Variants in CFAP20DC observed in about 807,000 individuals in gnomAD.
CFAP20DC encodes CFAP20 domain containing, also known as protein CFAP20DC.
In CFAP20DC, 84 loss-of-function variants were observed where a neutral mutation model predicts 101.7. The ratio of observed to expected loss-of-function variants is 0.83; its 90% CI spans 0.69 to 0.99. CFAP20DC has a LOEUF of 0.99. Among genes scored for constraint, CFAP20DC ranks in the 50% least tolerant of loss-of-function variants. CFAP20DC has a pLI of 0.00. For missense variants in CFAP20DC, 1,007 were observed against 970.3 expected (o/e 1.04, Z -0.50); for synonymous variants, 359 against 351.2 (o/e 1.02, Z -0.25).
rs111513990 is a variant in CFAP20DC, at chr3:58,955,354, C to T, written c.279-17592G>A. 3.2e-3 allele frequency among the ~76,000 whole-genome samples: 483 copies of T among 152,308 alleles called. 2 individuals carry two copies. Among genetic ancestry groups the T allele is most frequent in the African/African-American group, 0.011 (452 of 41,560 alleles). The stretch of plus-strand genomic sequence containing the variant: ...CTTAAATCACTGATGCCACCCCTCC[C>T]CCATGTTCGGTTGTGGCAGCACGGT... On this transcript the variant is annotated intron_variant, in intron 4 of 16. Transcript: ENST00000482387.
intron 4 of CFAP20DC, among the ~76,000 whole-genome samples, chr3:58,994,354 G>A (rs2093042106): frequency 6.6e-6 from 1 of 152,160 alleles, no homozygotes; most frequent in South Asian, 2.1e-4. Context: ...CTGGAAGTAT[G>A]ATGGCTGGAT....
At chr3:58,766,415 A>G (rs2070317365) in intron 15 of CFAP20DC, among the ~76,000 whole-genome samples, 1 of 152,236 alleles carries the variant, frequency 6.6e-6, no homozygotes, top group South Asian at 2.1e-4. Flanking sequence ...CTTTCTCACC[A>G]TCTCCCCTTC....
chr3:58,780,996 T>C (rs137930718), intron 15 of CFAP20DC, among the ~76,000 whole-genome samples: 1 of 152,118 alleles, frequency 6.6e-6, no homozygotes, highest in Non-Finnish European at 1.5e-5. Flanking sequence ...ATCCTTCTAA[T>C]CAGCACACAC....
At position 58,912,474 on chromosome 3, in the gene CFAP20DC, G is replaced by A. The variant is rs930813318; in HGVS notation, c.550+1234C>T. 7 of 295,050 alleles carry A rather than the reference G, an allele frequency of 2.4e-5. No individual in the cohort carries two copies. Among genetic ancestry groups the A allele is most frequent in the Non-Finnish European group, 4.7e-5 (7 of 149,728 alleles). 18.3% of individuals were successfully genotyped at this position (295,050 alleles called of 1,614,324 possible). On this transcript the variant is annotated intron_variant, in intron 6 of 16. Coordinates refer to ENST00000482387, the MANE Select transcript of CFAP20DC (RefSeq NM_001394063.1). The surrounding 1 kb of genome is among the most constrained non-coding windows in gnomAD (Gnocchi z 4.4). ...ATGAAATTTATAGGCACAGTGTCCT[G>A]TTCCACAGAGTGAGCCACATCAAGA...
chr3:58,888,856 A>T (rs201615365), intron 6 of CFAP20DC, among the ~76,000 whole-genome samples: 1 of 152,122 alleles, frequency 6.6e-6, no homozygotes, highest in Non-Finnish European at 1.5e-5. Flanking sequence ...GGGTCAAATG[A>T]TATTTCTGCC....
chr3:58,937,608 T>C (rs1294725812), intron 5 of CFAP20DC, 40 bp downstream of exon 5: 9 of 1,213,882 alleles, frequency 7.4e-6, no homozygotes, highest in South Asian at 1.2e-5. Context: ...ATTTGTTGAA[T>C]TGAATTTAAT....
chr3:58,878,659 G>A (rs968451035), intron 7 of CFAP20DC, among the ~76,000 whole-genome samples: 1 of 152,168 alleles, frequency 6.6e-6, no homozygotes, highest in African/African-American at 2.4e-5. Flanking sequence ...TTCCCAGGAA[G>A]ATGATGCTTA....
At chr3:58,734,285 A>C (rs974012661) in intron 3 of CFAP20DC, among the ~76,000 whole-genome samples, 1 of 152,162 alleles carries the variant, frequency 6.6e-6, no homozygotes, top group African/African-American at 2.4e-5. Context: ...ATGAATTACC[A>C]AGTTTCAGGT....
chr3:58,901,606 A>G (rs984712972), intron 6 of CFAP20DC, among the ~76,000 whole-genome samples: 4 of 152,244 alleles, frequency 2.6e-5, no homozygotes, highest in Non-Finnish European at 4.4e-5. Flanking sequence ...TTTCATTACA[A>G]TGGTGAAAAA....
chr3:58,989,380 T>C (rs1176001883), intron 4 of CFAP20DC, among the ~76,000 whole-genome samples: 1 of 152,172 alleles, frequency 6.6e-6, no homozygotes, highest in African/African-American at 2.4e-5. Context: ...TTGCTAATGA[T>C]GATTACATTT....
At chr3:58,908,762 T>C (rs1168444922) in intron 6 of CFAP20DC, among the ~76,000 whole-genome samples, 1 of 152,194 alleles carries the variant, frequency 6.6e-6, no homozygotes, top group Non-Finnish European at 1.5e-5. Context: ...TGTCTTTCAA[T>C]AGGTGAATGG....
intron 12 of CFAP20DC, among the ~76,000 whole-genome samples, chr3:58,860,235 G>C (rs2079141350): frequency 6.6e-6 from 1 of 151,438 alleles, no homozygotes; most frequent in African/African-American, 2.4e-5. Context: ...AAGTATGTAG[G>C]GGTGAGTGTT....
chr3:58,867,862 ATCT>A lies in CFAP20DC; in HGVS notation c.1087_1089del (p.Arg363del), dbSNP rs772490363. 2.5e-6 allele frequency: 4 copies of A among 1,613,620 alleles called. No individual in the cohort carries two copies. Among genetic ancestry groups the A allele is most frequent in the Non-Finnish European group, 3.4e-6 (4 of 1,179,662 alleles). On this transcript the variant is annotated inframe_deletion, in exon 10 of 17. Coordinates refer to ENST00000482387, the MANE Select transcript of CFAP20DC (RefSeq NM_001394063.1). ...TCTCTGCTGGTACTTTTTAACCGTA[ATCT>A]TCTTCTGTTATTATTCTTATCTGCT...
Position 58,864,941 on chromosome 3 carries a change from A to G in CFAP20DC, c.1259-1049T>C, listed in dbSNP as rs1179928556. 6.6e-6 allele frequency among the ~76,000 whole-genome samples: 1 copy of G among 152,186 alleles called. No homozygotes were observed. Among genetic ancestry groups the G allele is most frequent in the Non-Finnish European group, 1.5e-5 (1 of 68,030 alleles). The stretch of plus-strand genomic sequence containing the variant: ...TTTTTCAAAACTTTTAAAGACTTCA[A>G]TCTTTCATATCACATTGAGATAGAG... On this transcript the variant is annotated intron_variant, in intron 11 of 16. Transcript: ENST00000482387. The surrounding 1 kb of genome is among the most constrained non-coding windows in gnomAD (Gnocchi z 4.7).
rs944700357 is a variant in CFAP20DC at position 58,728,682 on chromosome 3, A to G, written c.198-11054T>C. Among the ~76,000 whole-genome samples, 1 of 152,200 alleles carries G rather than the reference A, an allele frequency of 6.6e-6. No homozygotes were observed. The highest frequency in any genetic ancestry group is 2.4e-5 in the African/African-American group (1 of 41,450). ...GATTGTGGAGGAAATCATATGCCAG[A>G]GCTTTGGTAAATGCATGAACTCTAC... On this transcript the variant is annotated intron_variant, in intron 3 of 3. Transcript: ENST00000486145. The surrounding 1 kb of genome is among the most constrained non-coding windows in gnomAD (Gnocchi z 4.7).
At position 58,912,490 on chromosome 3, in the gene CFAP20DC, C is replaced by A; in HGVS notation, c.550+1218G>T. Reference sequence around the variant, plus strand: ...CAGTGTCCTGTTCCACAGAGTGAGCCACATCAAGATTTCTCAGGCACACAC... The same window carrying A: ...CAGTGTCCTGTTCCACAGAGTGAGCAACATCAAGATTTCTCAGGCACACAC... On this transcript the variant is annotated intron_variant, in intron 6 of 16. Coordinates refer to ENST00000482387, the MANE Select transcript of CFAP20DC (RefSeq NM_001394063.1). The surrounding 1 kb of genome is among the most constrained non-coding windows in gnomAD (Gnocchi z 4.4). 3.2e-6 allele frequency: 1 copy of A among 309,996 alleles called. No individual in the cohort carries two copies. The highest frequency in any genetic ancestry group is 6.3e-6 in the Non-Finnish European group (1 of 157,588). The allele number at this position is 309,996 out of a possible 1,614,324, so 19.2% of individuals were successfully genotyped here.
At chr3:58,935,997 T>C (rs1450182346) in intron 5 of CFAP20DC, among the ~76,000 whole-genome samples, 1 of 151,896 alleles carries the variant, frequency 6.6e-6, no homozygotes, top group Non-Finnish European at 1.5e-5. Context: ...ACCTACAAAA[T>C]GGGAGAAAAT....
chr3:58,817,390 G>A (rs1441500665), intron 14 of CFAP20DC, among the ~76,000 whole-genome samples: 31 of 151,066 alleles, frequency 2.1e-4, no homozygotes, highest in South Asian at 8.4e-4. Context: ...TGAAAACTTC[G>A]AAAAAAATTT....
intron 14 of CFAP20DC, among the ~76,000 whole-genome samples, chr3:58,830,383 A>C (rs1174658181): frequency 2.0e-5 from 3 of 152,190 alleles, no homozygotes; most frequent in Non-Finnish European, 4.4e-5. Flanking sequence ...AGACCAAGTT[A>C]GATCTGATTC....
Sources: gnomAD v4.1 joint callset for allele counts (sites outside exome capture counted in the v4.1 genomes callset) on GRCh38, gnomAD v4.1.1 for gene constraint, Gnocchi (gnomAD v3.1) non-coding constraint, MANE v1.5 for transcripts, NCBI Gene and HGNC (gene_info 2026-07-23, HGNC 2026-07-21) for gene names.